The following ACBD6 variants were observed in gnomAD, a reference collection of about 807,000 sequenced individuals.
ACBD6 encodes acyl-CoA-binding domain-containing protein 6.
In ACBD6, 28 loss-of-function variants were observed where a neutral mutation model predicts 37.2. The ratio of observed to expected loss-of-function variants is 0.75; its 90% CI spans 0.56 to 1.03. The LOEUF (loss-of-function observed/expected upper bound fraction) is 1.03. ACBD6 is among the 50% of genes least tolerant of loss of function. The pLI, the probability that ACBD6 is intolerant of heterozygous loss-of-function variation, is 0.00. For synonymous variants in ACBD6, 113 were observed against 126.8 expected, an observed-to-expected ratio of 0.89 and a Z score of 0.73; for missense variants, 340 against 337.4, an observed-to-expected ratio of 1.01 and a Z score of -0.06.
intron 7 of ACBD6, among the ~76,000 whole-genome samples, chr1:180,301,661 G>T (rs753748349): frequency 7.9e-5 from 12 of 152,034 alleles, no homozygotes; most frequent in Non-Finnish European, 1.2e-4. Flanking sequence ...CATCACTAGT[G>T]GCATTTTGTA....
At chr1:180,409,744 T>C (rs1012170276) in intron 5 of ACBD6, among the ~76,000 whole-genome samples, 1 of 152,144 alleles carries the variant, frequency 6.6e-6, no homozygotes, top group African/African-American at 2.4e-5. Flanking sequence ...CCCTATTCAC[T>C]CAGACACAAA....
At chr1:180,461,123 G>A (rs1223061170) in intron 3 of ACBD6, among the ~76,000 whole-genome samples, 4 of 152,122 alleles carry the variant, frequency 2.6e-5, no homozygotes, top group African/African-American at 9.7e-5. Flanking sequence ...ATTAATAGCA[G>A]AAGAGACCAA....
intron 5 of ACBD6, among the ~76,000 whole-genome samples, chr1:180,402,767 C>A (rs535664605): frequency 6.7e-6 from 1 of 150,320 alleles, no homozygotes; most frequent in African/African-American, 2.4e-5. Flanking sequence ...CACTGTACTC[C>A]AGCCTACGCA....
chr1:180,316,989 A>G (rs1650839036), intron 6 of ACBD6, among the ~76,000 whole-genome samples: 1 of 152,204 alleles, frequency 6.6e-6, no homozygotes, highest in Non-Finnish European at 1.5e-5. Flanking sequence ...ACTGGGGAAG[A>G]TACTAAGGTG....
intron 6 of ACBD6, among the ~76,000 whole-genome samples, chr1:180,372,332 A>T (rs1458961776): frequency 2.0e-5 from 3 of 152,170 alleles, no homozygotes; most frequent in Admixed American, 6.5e-5. Context: ...GAAGTAGATT[A>T]AATAAGTTAC....
chr1:180,493,268 A>AC (rs762332363), intron 2 of ACBD6, among the ~76,000 whole-genome samples: 5 of 133,078 alleles, frequency 3.8e-5, no homozygotes, highest in Non-Finnish European at 6.1e-5. Flanking sequence ...AAAAAAAAAA[A>AC]AAAAAAAAAA....
At chr1:180,297,860 C>T (rs1649984288) in intron 7 of ACBD6, among the ~76,000 whole-genome samples, 1 of 152,144 alleles carries the variant, frequency 6.6e-6, no homozygotes, top group Non-Finnish European at 1.5e-5. Flanking sequence ...CCTGCCTCAG[C>T]CTTCTGAGTA....
intron 6 of ACBD6, among the ~76,000 whole-genome samples, chr1:180,317,986 G>A (rs1650880357): frequency 6.6e-6 from 1 of 152,072 alleles, no homozygotes; most frequent in Admixed American, 6.5e-5. Flanking sequence ...AGACCAGCCT[G>A]GGCAACATGA....
At chr1:180,429,286 C>A (rs569537326) in intron 4 of ACBD6, among the ~76,000 whole-genome samples, 13 of 152,168 alleles carry the variant, frequency 8.5e-5, no homozygotes, top group Non-Finnish European at 1.8e-4. Context: ...TACTGTCTCT[C>A]TGATTTTTGA....
intron 6 of ACBD6, among the ~76,000 whole-genome samples, chr1:180,341,878 AATT>A (rs1651996779): frequency 6.6e-6 from 1 of 152,108 alleles, no homozygotes; most frequent in South Asian, 2.1e-4. Context: ...TCAGTGATTT[AATT>A]ATTACTTAGC....
At chr1:180,467,311 G>C (rs1477125269) in intron 3 of ACBD6, among the ~76,000 whole-genome samples, 1 of 151,082 alleles carries the variant, frequency 6.6e-6, no homozygotes, top group African/African-American at 2.4e-5. Context: ...TCTTATAGAA[G>C]TATATAAAGT....
chr1:180,388,133 G>A (rs931031730), intron 6 of ACBD6, among the ~76,000 whole-genome samples: 1 of 147,274 alleles, frequency 6.8e-6, no homozygotes, highest in Non-Finnish European at 1.5e-5. Context: ...CCAAGATCGC[G>A]CCACGGCACT....
At chr1:180,383,670 T>C (rs938288113) in intron 6 of ACBD6, among the ~76,000 whole-genome samples, 10 of 152,042 alleles carry the variant, frequency 6.6e-5, no homozygotes, top group African/African-American at 1.9e-4. Flanking sequence ...GAAAAAATAA[T>C]TGTAAAATGT....
Position 180,314,673 on chromosome 1 carries a change from T to C in ACBD6, c.694+19A>G, listed in dbSNP as rs754001860. The stretch of plus-strand genomic sequence containing the variant: ...AATATGTTCAAATATGATTACTTAA[T>C]AATTTAGAAACTTCTTACCATAATG... On this transcript the variant is annotated intron_variant, in intron 7 of 7. Transcript: ENST00000367595. The C allele has an allele frequency of 9.3e-6, 14 of 1,509,148 alleles. No individual in the cohort carries two copies. The highest frequency in any genetic ancestry group is 1.3e-5 in the Non-Finnish European group (14 of 1,087,348). 93.5% of individuals were successfully genotyped at this position (1,509,148 alleles called of 1,614,324 possible). A position where few individuals can be genotyped will look rare whatever the true frequency, so the allele number is the denominator to read the frequency against.
intron 3 of ACBD6, among the ~76,000 whole-genome samples, chr1:180,433,981 G>A (rs905678000): frequency 6.6e-6 from 1 of 151,964 alleles, no homozygotes; most frequent in Non-Finnish European, 1.5e-5. Context: ...TCATGAAAGC[G>A]CCATGTCCCT....
intron 6 of ACBD6, among the ~76,000 whole-genome samples, chr1:180,353,045 A>G (rs1413975137): frequency 2.0e-5 from 3 of 152,108 alleles, no homozygotes; most frequent in African/African-American, 7.2e-5. Context: ...AGTAACCACC[A>G]CTATTTTATT....
At chr1:180,288,564 G>A in intron 7 of ACBD6, 47 bp from the exon 8 acceptor site, 1 of 1,573,896 alleles carries the variant, frequency 6.4e-7, no homozygotes, top group African/African-American at 1.4e-5. Context: ...CCAAGAGACA[G>A]AGAAACTCCT....
At chr1:180,399,153 AAG>A (rs1647239219) in intron 5 of ACBD6, among the ~76,000 whole-genome samples, 1 of 152,296 alleles carries the variant, frequency 6.6e-6, no homozygotes, top group African/African-American at 2.4e-5. Context: ...ACAAAATCCT[AAG>A]AGGGGGGAAA....
intron 6 of ACBD6, among the ~76,000 whole-genome samples, chr1:180,336,943 A>G (rs1651746037): frequency 6.6e-6 from 1 of 152,248 alleles, no homozygotes; most frequent in Admixed American, 6.5e-5. Context: ...ACACCCTCCC[A>G]AGACTAAACC....
Sources: gnomAD v4.1 joint callset for allele counts (sites outside exome capture counted in the v4.1 genomes callset) on GRCh38, gnomAD v4.1.1 for gene constraint, MANE v1.5 for transcripts, NCBI Gene and HGNC (gene_info 2026-07-23, HGNC 2026-07-21) for gene names.